The following ALOX12B variants were observed in gnomAD, a reference collection of about 807,000 sequenced individuals.
ALOX12B encodes the protein arachidonate 12-lipoxygenase, 12R-type.
In ALOX12B, 47 loss-of-function variants were observed where a neutral mutation model predicts 78.9. That is an observed-to-expected ratio of 0.60 (90% CI 0.47 to 0.76). ALOX12B has a LOEUF of 0.76. ALOX12B is among the 30% of genes least tolerant of loss of function. ALOX12B has a pLI of 0.00. For synonymous variants in ALOX12B, 370 were observed against 374.5 expected (o/e 0.99, Z 0.14); for missense variants, 805 against 922.6 (o/e 0.87, Z 1.65).
chr17:8,080,117 A>T lies in ALOX12B; in HGVS notation c.754+118T>A. 1 of 1,468,070 alleles carries T rather than the reference A, an allele frequency of 6.8e-7. No individual in the cohort carries two copies. Among genetic ancestry groups the T allele is most frequent in the Non-Finnish European group, 9.5e-7 (1 of 1,049,328 alleles). The allele number at this position is 1,468,070 out of a possible 1,614,324, so 90.9% of individuals were successfully genotyped here. ...GCGACATTTTCCAAGAAGCCGCCAG[A>T]GGGCGCGCGCGCGCCTCGCTGCCTC... is the stretch of plus-strand genomic sequence containing the variant. On this transcript the variant is annotated intron_variant, in intron 6 of 14. Transcript: ENST00000647874. This position sits in a 1 kb window ranked among gnomAD's most constrained non-coding sequence, Gnocchi z 4.8.
chr17:8,081,509 G>T (rs1412448129), intron 2 of ALOX12B: 3 of 429,710 alleles, frequency 7.0e-6, no homozygotes, highest in Non-Finnish European at 1.4e-5. Context: ...ATGCATAGTG[G>T]CCAAGTTAGG....
chr17:8,080,604 A>G lies in ALOX12B; in HGVS notation c.650+54T>C. ...TCTTGGAGGCCGCCAAGGTTGGGGG[A>G]GAGGGAAAGTTCTTGCAGGAGCCCT... is the stretch of plus-strand genomic sequence containing the variant. On this transcript the variant is annotated intron_variant, in intron 5 of 14. Coordinates refer to ENST00000647874, the MANE Select transcript of ALOX12B (RefSeq NM_001139.3). The surrounding 1 kb of genome is among the most constrained non-coding windows in gnomAD (Gnocchi z 4.8). 1 of 1,612,602 alleles carries G rather than the reference A, an allele frequency of 6.2e-7. No individual in the cohort carries two copies.
chr17:8,078,394 C>G (rs1018510760), intron 8 of ALOX12B, among the ~76,000 whole-genome samples: 2 of 66,668 alleles, frequency 3.0e-5, no homozygotes, highest in African/African-American at 1.3e-4. Flanking sequence ...GGTAATCTGC[C>G]CACCTCGGCC....
chr17:8,081,149 C>G lies in ALOX12B; in HGVS notation c.391G>C (p.Glu131Gln), dbSNP rs1336418830. ...TADDSLPVLL[E>Q]HRKEEIRAKQ... The stretch of plus-strand genomic sequence containing the variant: ...GCTCTGATCTCCTCTTTTCTGTGCT[C>G]CAGGAGGACGGGGAGCGAGTCATCT... The change falls in exon 3 of 15, where the codon GAG becomes CAG. Residue 131 changes from glutamate (E) to glutamine (Q), a missense_variant. Physicochemically the swap from Glu to Gln is conservative, Grantham distance 29 (BLOSUM62 2). Transcript: ENST00000647874. The G allele has an allele frequency of 8.1e-6, 13 of 1,613,874 alleles. No homozygotes were observed. The highest frequency in any genetic ancestry group is 1.1e-5 in the Non-Finnish European group (13 of 1,179,992).
intron 1 of ALOX12B, 31 bp downstream of exon 1, chr17:8,087,265 C>CACAG (rs1180152421): frequency 6.6e-7 from 1 of 1,514,192 alleles, no homozygotes; most frequent in African/African-American, 1.8e-5. Context: ...CACAGACACA[C>CACAG]ACACACACAC....
intron 8 of ALOX12B, among the ~76,000 whole-genome samples, chr17:8,078,453 A>G (rs1486522294): frequency 6.6e-6 from 1 of 150,514 alleles, no homozygotes; most frequent in African/African-American, 2.4e-5. Flanking sequence ...CCGGGCCTAG[A>G]GAGCGGGCCT....
rs1332844134 is a variant in ALOX12B at position 8,083,755 on chromosome 17, A to G, written c.352+2261T>C. Among the ~76,000 whole-genome samples, 5 of 151,126 alleles carry G rather than the reference A, an allele frequency of 3.3e-5. No homozygotes were observed. The East Asian group carries it at 9.8e-4, about 30-fold the overall frequency. ...AAAGAAAAAACAAAAACAAAACAAA[A>G]AAAAACAACTCCGTTCAGATGTCAT... On this transcript the variant is annotated intron_variant, in intron 2 of 14. Coordinates refer to ENST00000647874, the MANE Select transcript of ALOX12B (RefSeq NM_001139.3).
rs1978297429 is a variant in ALOX12B at position 8,086,156 on chromosome 17, T to TTGTG, written c.208_211dup (p.Lys71ThrfsTer55). 2.5e-6 allele frequency: 4 copies of TTGTG among 1,614,112 alleles called. No individual in the cohort carries two copies. ...CTTGGGGAAGAAGGCGTACCGCTCT[T>TTGTG]TGTGCAGGCGGATGATGATGAGCTC... is the stretch of plus-strand genomic sequence containing the variant. On this transcript the variant is annotated frameshift_variant, in exon 2 of 15. Transcript: ENST00000647874. LOFTEE classifies it high-confidence loss of function.
At position 8,073,462 on chromosome 17, in the gene ALOX12B, G is replaced by A. The variant is rs542824438; in HGVS notation, c.1756-144C>T. On this transcript the variant is annotated intron_variant, in intron 13 of 14. Coordinates refer to ENST00000647874, the MANE Select transcript of ALOX12B (RefSeq NM_001139.3). ...GGCTGGGCTGGGTTGGTTAGACTGGGGGTGGGGCTGGGTGTGGGGCTGGGG... is the reference window on the plus strand; with the variant it reads ...GGCTGGGCTGGGTTGGTTAGACTGGAGGTGGGGCTGGGTGTGGGGCTGGGG... 4.8e-5 allele frequency: 56 copies of A among 1,168,984 alleles called. No homozygotes were observed. In the African/African-American group the frequency reaches 7.3e-4, roughly 15 times the overall value. The allele number at this position is 1,168,984 out of a possible 1,614,324, so 72.4% of individuals were successfully genotyped here.
chr17:8,074,567 C>T (rs1030236648), intron 12 of ALOX12B, among the ~76,000 whole-genome samples: 1 of 152,104 alleles, frequency 6.6e-6, no homozygotes, highest in African/African-American at 2.4e-5. Flanking sequence ...TAGTCAGGTC[C>T]CCAGTCTTCC....
In ALOX12B at chr17:8,080,495, A is replaced by T; in HGVS notation, c.651-157T>A. Reference sequence around the variant, plus strand: ...CATGTCTCAAGATCTTTGCATCTCTAGGTCTCTGGGATCATGTCTCAGGTT... The same window carrying T: ...CATGTCTCAAGATCTTTGCATCTCTTGGTCTCTGGGATCATGTCTCAGGTT... On this transcript the variant is annotated intron_variant, in intron 5 of 14. Coordinates refer to ENST00000647874, the MANE Select transcript of ALOX12B (RefSeq NM_001139.3). This position sits in a 1 kb window ranked among gnomAD's most constrained non-coding sequence, Gnocchi z 4.8. 7.3e-7 allele frequency: 1 copy of T among 1,373,204 alleles called. No homozygotes were observed. Among genetic ancestry groups the T allele is most frequent in the Non-Finnish European group, 1.0e-6 (1 of 975,028 alleles). 85.1% of individuals were successfully genotyped at this position (1,373,204 alleles called of 1,614,324 possible).
In ALOX12B at chr17:8,076,625, T is replaced by C. The variant is rs1199214538; in HGVS notation, c.1362+32A>G. On this transcript the variant is annotated intron_variant, in intron 10 of 14. Transcript: ENST00000647874. ...ACTGAAAAGGCCAGAGGAAAACAAA[T>C]GTCTCGTTGGGGTTGGGGGCAGAAG... The C allele has an allele frequency of 4.5e-6, 7 of 1,540,906 alleles. No homozygotes were observed. The Admixed American group carries it at 9.8e-5, about 22-fold the overall frequency.
intron 8 of ALOX12B, among the ~76,000 whole-genome samples, chr17:8,077,702 G>T (rs1020320339): frequency 3.3e-5 from 5 of 152,192 alleles, no homozygotes; most frequent in African/African-American, 1.2e-4. Flanking sequence ...GAAACACCCA[G>T]TTCCTTCCTC....
In ALOX12B at chr17:8,080,510, T is replaced by C. The variant is rs1245419857; in HGVS notation, c.650+148A>G. 2 of 1,416,600 alleles carry C rather than the reference T, an allele frequency of 1.4e-6. No homozygotes were observed. The highest frequency in any genetic ancestry group is 2.0e-6 in the Non-Finnish European group (2 of 1,015,416). 87.8% of individuals were successfully genotyped at this position (1,416,600 alleles called of 1,614,324 possible). A position where few individuals can be genotyped will look rare whatever the true frequency, so the allele number is the denominator to read the frequency against. On this transcript the variant is annotated intron_variant, in intron 5 of 14. Coordinates refer to ENST00000647874, the MANE Select transcript of ALOX12B (RefSeq NM_001139.3). The surrounding 1 kb of genome is among the most constrained non-coding windows in gnomAD (Gnocchi z 4.8). ...TTGCATCTCTAGGTCTCTGGGATCA[T>C]GTCTCAGGTTTTCTGGGTCTGCGTT... is the stretch of plus-strand genomic sequence containing the variant.
chr17:8,075,756 C>T lies in ALOX12B; in HGVS notation c.1533-40G>A, dbSNP rs532488729. ...GGGCCTCAGTTTGGATCCTCCTCCCCTCCCACTCCTCAGCCAGGCTTCTCC... is the reference window on the plus strand; with the variant it reads ...GGGCCTCAGTTTGGATCCTCCTCCCTTCCCACTCCTCAGCCAGGCTTCTCC... On this transcript the variant is annotated intron_variant, in intron 11 of 14. Transcript: ENST00000647874. The T allele has an allele frequency of 3.0e-5, 49 of 1,614,104 alleles. No homozygotes were observed. The African/African-American group carries it at 4.7e-4, about 15-fold the overall frequency.
At chr17:8,081,601 A>C in intron 2 of ALOX12B, 4 of 266,914 alleles carry the variant, frequency 1.5e-5, no homozygotes, top group East Asian at 9.2e-5. Context: ...CCATCCTCTC[A>C]CCCTTGAGAG....
At chr17:8,076,968 G>T (rs372244705) in intron 9 of ALOX12B, 22 bp downstream of exon 9, 8 of 1,607,482 alleles carry the variant, frequency 5.0e-6, no homozygotes, top group Non-Finnish European at 6.8e-6. Context: ...CCTGGGGGAG[G>T]CCCCTTCTCC....
chr17:8,082,451 A>G (rs146127073), intron 2 of ALOX12B, among the ~76,000 whole-genome samples: 458 of 152,288 alleles, frequency 3.0e-3, no homozygotes, highest in Non-Finnish European at 5.1e-3. Context: ...ATCTATAAAC[A>G]CTGTGTTCAA....
chr17:8,073,045 G>T (rs1427132327), intron 14 of ALOX12B, 95 bp from the exon 15 acceptor site: 3 of 1,598,614 alleles, frequency 1.9e-6, no homozygotes, highest in Non-Finnish European at 2.6e-6. Context: ...GGTTTCAGTG[G>T]CCTCTCACTC....
Sources: gnomAD v4.1 joint callset for allele counts (sites outside exome capture counted in the v4.1 genomes callset) on GRCh38, gnomAD v4.1.1 for gene constraint, Gnocchi (gnomAD v3.1) non-coding constraint, MANE v1.5 for transcripts, NCBI Gene and HGNC (gene_info 2026-07-23, HGNC 2026-07-21) for gene names.